Variants in EPHA7 observed in about 807,000 individuals in gnomAD.
The protein encoded by EPHA7 is ephrin type-A receptor 7.
Under a neutral mutation model 112.6 loss-of-function variants are expected in EPHA7, and 25 were observed. The ratio of observed to expected loss-of-function variants is 0.22; its 90% confidence interval spans 0.16 to 0.31. The LOEUF (loss-of-function observed/expected upper bound fraction) is 0.31, where lower values mean the gene tolerates loss of function less well. Among genes scored for constraint, EPHA7 ranks in the 10% least tolerant of loss-of-function variants. The pLI is 1.00. For synonymous variants in EPHA7, 437 were observed against 406.5 expected (o/e 1.07, Z -0.90); for missense variants, 962 against 1,212.6 (o/e 0.79, Z 3.07).
At chr6:93,356,071 G>A (rs1198036082) in intron 5 of EPHA7, among the ~76,000 whole-genome samples, 1 of 152,098 alleles carries the variant, frequency 6.6e-6, no homozygotes, top group African/African-American at 2.4e-5. Flanking sequence ...TTATGATCAT[G>A]AGCATAACAA....
intron 5 of EPHA7, among the ~76,000 whole-genome samples, chr6:93,287,849 A>C (rs1353015567): frequency 6.6e-6 from 1 of 152,160 alleles, no homozygotes. Context: ...ATTATTAGTT[A>C]TTAGGAAAAT....
intron 3 of EPHA7, among the ~76,000 whole-genome samples, chr6:93,373,015 A>G (rs2127962036): frequency 6.6e-6 from 1 of 152,162 alleles, no homozygotes; most frequent in African/African-American, 2.4e-5. Context: ...TACAATTTAG[A>G]GTGCATATGT....
At chr6:93,291,717 G>A (rs1440891036) in intron 5 of EPHA7, among the ~76,000 whole-genome samples, 8 of 129,184 alleles carry the variant, frequency 6.2e-5, no homozygotes, top group Admixed American at 4.5e-4. Context: ...GCAGTGAGCC[G>A]AGATCCCGCC....
At chr6:93,267,320 T>A (rs1404418257) in intron 7 of EPHA7, among the ~76,000 whole-genome samples, 1 of 151,668 alleles carries the variant, frequency 6.6e-6, no homozygotes, top group African/African-American at 2.4e-5. Context: ...AACTTAAACC[T>A]CAGAATGTTT....
chr6:93,354,891 T>C (rs2127942203), intron 5 of EPHA7, among the ~76,000 whole-genome samples: 1 of 152,204 alleles, frequency 6.6e-6, no homozygotes, highest in South Asian at 2.1e-4. Flanking sequence ...CCTGGTTATA[T>C]TCAAAAATAA....
chr6:93,267,398 C>T lies in EPHA7; in HGVS notation c.1633+2079G>A, dbSNP rs370895697. Among the ~76,000 whole-genome samples, 9 of 151,736 alleles carry T rather than the reference C, an allele frequency of 5.9e-5. No homozygotes were observed. In the Middle Eastern group the frequency reaches 0.01, roughly 172 times the overall value. Reference sequence around the variant, plus strand: ...CCCAGCTCATCCAAACTCCTATAACCGGACATGGCAGAGCAGAGAGATTTG... The same window carrying T: ...CCCAGCTCATCCAAACTCCTATAACTGGACATGGCAGAGCAGAGAGATTTG... On this transcript the variant is annotated intron_variant, in intron 7 of 16. Transcript: ENST00000369303.
intron 5 of EPHA7, among the ~76,000 whole-genome samples, chr6:93,326,644 A>C (rs1774334614): frequency 6.6e-6 from 1 of 151,518 alleles, no homozygotes; most frequent in South Asian, 2.1e-4. Context: ...CTGCTAATAC[A>C]GGAATAGATC....
chr6:93,367,468 G>A (rs1405792050), intron 3 of EPHA7, among the ~76,000 whole-genome samples: 2 of 152,000 alleles, frequency 1.3e-5, no homozygotes, highest in African/African-American at 4.8e-5. Flanking sequence ...CATTACATTT[G>A]CTGTTACATA....
chr6:93,412,127 T>C (rs951905457), intron 2 of EPHA7, among the ~76,000 whole-genome samples: 12 of 152,072 alleles, frequency 7.9e-5, no homozygotes, highest in African/African-American at 2.7e-4. Flanking sequence ...ATGGTTTGTT[T>C]TCTTCGTACA....
chr6:93,350,120 C>A (rs1775617622), intron 5 of EPHA7, among the ~76,000 whole-genome samples: 1 of 151,876 alleles, frequency 6.6e-6, no homozygotes, highest in African/African-American at 2.4e-5. Context: ...TTAAAATATG[C>A]AAGGCTATTT....
chr6:93,261,680 T>C (rs922847527), intron 9 of EPHA7, among the ~76,000 whole-genome samples: 3 of 151,568 alleles, frequency 2.0e-5, no homozygotes, highest in African/African-American at 7.3e-5. Context: ...TTTTAAAATA[T>C]TATTTTGATT....
At position 93,245,394 on chromosome 6, in the gene EPHA7, C is replaced by A; in HGVS notation, c.2786G>T (p.Gly929Val). 2 of 1,613,692 alleles carry A rather than the reference C, an allele frequency of 1.2e-6. No homozygotes were observed. Among genetic ancestry groups the A allele is most frequent in the South Asian group, 2.2e-5 (2 of 91,064 alleles). The change falls in exon 16 of 17, where the codon GGA becomes GTA. Residue 929 changes from glycine to valine, a missense_variant. Around this residue, in one of 3 missense-constraint regions of EPHA7, gnomAD observed 746 missense variants for 889.2 expected, o/e 0.84. Coordinates refer to ENST00000369303, the MANE Select transcript of EPHA7 (RefSeq NM_004440.4). Reference protein sequence around the residue: ...TPDFTTFCSVGEWLQAIKMER... With the variant: ...TPDFTTFCSVVEWLQAIKMER... ...CATCTTAATAGCTTGTAGCCATTCT[C>A]CAACTGAACAAAAGGTAGTGAAATC...
intron 14 of EPHA7, 145 bp from the exon 15 acceptor site, chr6:93,247,130 T>A (rs1000963033): frequency 4.2e-5 from 30 of 706,548 alleles, no homozygotes; most frequent in Middle Eastern, 3.8e-4. Context: ...AAAATTTCCA[T>A]GAATATTAAG....
intron 3 of EPHA7, among the ~76,000 whole-genome samples, chr6:93,371,893 G>T (rs1341544184): frequency 6.6e-6 from 1 of 152,072 alleles, no homozygotes; most frequent in Non-Finnish European, 1.5e-5. Context: ...TTCAAAGATT[G>T]CACCCAAATG....
chr6:93,261,502 T>C (rs984275485), intron 9 of EPHA7, among the ~76,000 whole-genome samples: 2 of 151,482 alleles, frequency 1.3e-5, no homozygotes, highest in African/African-American at 2.4e-5. Context: ...CAAGAAAACA[T>C]ATCCTTGGAA....
At position 93,240,108 on chromosome 6, in the gene EPHA7, G is replaced by A. The variant is rs1446070214; in HGVS notation, c.*3318C>T. ...TCATGTTGAAGAAAGAGTTATTTGT[G>A]CTTGATACATTGAAGACACTGTTCA... is the stretch of plus-strand genomic sequence containing the variant. On this transcript the variant is annotated 3_prime_UTR_variant, in exon 17 of 17. Coordinates refer to ENST00000369303, the MANE Select transcript of EPHA7 (RefSeq NM_004440.4). 4.5e-6 allele frequency: 1 copy of A among 224,606 alleles called. No individual in the cohort carries two copies. Among genetic ancestry groups the A allele is most frequent in the Non-Finnish European group, 8.9e-6 (1 of 112,778 alleles). 13.9% of individuals were successfully genotyped at this position (224,606 alleles called of 1,614,324 possible). A position where few individuals can be genotyped will look rare whatever the true frequency, so the allele number is the denominator to read the frequency against.
chr6:93,407,374 G>C (rs1323177530), intron 3 of EPHA7, among the ~76,000 whole-genome samples: 1 of 151,974 alleles, frequency 6.6e-6, no homozygotes, highest in Non-Finnish European at 1.5e-5. Context: ...AAAGGAAACA[G>C]GAAGAATACT....
chr6:93,322,846 G>A (rs1774142377), intron 5 of EPHA7, among the ~76,000 whole-genome samples: 1 of 151,448 alleles, frequency 6.6e-6, no homozygotes, highest in African/African-American at 2.4e-5. Flanking sequence ...CAGATTCAGG[G>A]AGCATACTGT....
rs114833135 is a variant in EPHA7, at chr6:93,399,128, G to C, written c.832+11373C>G. Among the ~76,000 whole-genome samples the C allele has an allele frequency of 2.1e-3, 323 of 152,168 alleles. 3 individuals are homozygous for C. The highest frequency in any genetic ancestry group is 7.5e-3 in the African/African-American group (311 of 41,562). ...AGGAGATCTGGTCAGAAATCACATG[G>C]TAAAACAGCAAAACTTCTGCTCCTG... is the stretch of plus-strand genomic sequence containing the variant. On this transcript the variant is annotated intron_variant, in intron 3 of 16. Transcript: ENST00000369303.
Sources: allele counts gnomAD v4.1 joint callset (sites outside exome capture counted in the v4.1 genomes callset), GRCh38; gene constraint gnomAD v4.1.1; regional missense constraint gnomAD v4.1.1; transcripts MANE v1.5; gene names NCBI Gene and HGNC (gene_info 2026-07-23, HGNC 2026-07-21).